CALD1: variants seen among roughly 807,000 people sequenced by gnomAD.
CALD1 encodes caldesmon 1, also known as caldesmon.
In CALD1, 33 loss-of-function variants were observed where a neutral mutation model predicts 99.9. The observed-to-expected ratio is 0.33, with a 90% confidence interval of 0.25 to 0.44. The LOEUF is 0.44. Among genes scored for constraint, CALD1 ranks in the 20% least tolerant of loss-of-function variants. CALD1 has a pLI of 1.00. For synonymous variants in CALD1, 310 were observed against 325.0 expected (o/e 0.95, Z 0.50); for missense variants, 861 against 962.1 (o/e 0.89, Z 1.39).
At position 134,867,733 on chromosome 7, in the gene CALD1, C is replaced by T. The variant is rs1563055105; in HGVS notation, c.-1C>T. On this transcript the variant is annotated 5_prime_UTR_variant, in exon 3 of 15. Coordinates refer to ENST00000361675, the MANE Select transcript of CALD1 (RefSeq NM_033138.4). ...GGTCTCCCTGAACCTGAAATCACAC[C>T]ATGGATGATTTTGAGCGTCGCAGAG... The T allele has an allele frequency of 1.2e-5, 20 of 1,600,682 alleles. No individual in the cohort carries two copies. Among genetic ancestry groups the T allele is most frequent in the Non-Finnish European group, 1.7e-5 (20 of 1,169,994 alleles).
In CALD1 at chr7:134,897,496, G is replaced by T. The variant is rs1021079720; in HGVS notation, c.71+29692G>T. Reference sequence around the variant, plus strand: ...ATACGATTCTATTTCATTTTAAAACGCTGGTCATCCACTAAATAGATTTCA... The same window carrying T: ...ATACGATTCTATTTCATTTTAAAACTCTGGTCATCCACTAAATAGATTTCA... On this transcript the variant is annotated intron_variant, in intron 3 of 14. Transcript: ENST00000361675. 5.3e-5 allele frequency among the ~76,000 whole-genome samples: 8 copies of T among 151,686 alleles called. No homozygotes were observed. In the South Asian group the frequency reaches 1.7e-3, roughly 32 times the overall value.
At chr7:134,932,856 T>G in intron 4 of CALD1, 132 bp from the exon 5 acceptor site, 1 of 567,724 alleles carries the variant, frequency 1.8e-6, no homozygotes, top group Non-Finnish European at 3.1e-6. Flanking sequence ...ACTAAAATGG[T>G]AACGTACTGG....
rs573192557 is a variant in CALD1, at chr7:134,858,897, T to G, written c.-41-8796T>G. 2.8e-4 allele frequency among the ~76,000 whole-genome samples: 42 copies of G among 152,278 alleles called. No homozygotes were observed. The South Asian group carries it at 8.1e-3, about 29-fold the overall frequency. Reference sequence around the variant, plus strand: ...GTTGGAAGATCTTATAGTAGAGCTGTCCAGTAGAACTTTCTGCAGTGATGA... The same window carrying G: ...GTTGGAAGATCTTATAGTAGAGCTGGCCAGTAGAACTTTCTGCAGTGATGA... On this transcript the variant is annotated intron_variant, in intron 2 of 14. Coordinates refer to ENST00000361675, the MANE Select transcript of CALD1 (RefSeq NM_033138.4).
At chr7:134,819,870 C>T (rs1798705162) in intron 1 of CALD1, among the ~76,000 whole-genome samples, 1 of 129,418 alleles carries the variant, frequency 7.7e-6, no homozygotes, top group African/African-American at 2.7e-5. Flanking sequence ...AGTGACAATC[C>T]CATCTCAAAA....
chr7:134,756,297 A>T (rs989105896), intron 1 of CALD1, among the ~76,000 whole-genome samples: 1 of 147,862 alleles, frequency 6.8e-6, no homozygotes, highest in Non-Finnish European at 1.5e-5. Context: ...AAAAACTAAA[A>T]ATTAAAAAAA....
upstream of CALD1, chr7:134,779,380 C>G: frequency 3.2e-6 from 1 of 312,452 alleles, no homozygotes; most frequent in Non-Finnish European, 5.8e-6. Context: ...AGCGTGCACG[C>G]AGTTTCAGAG....
At chr7:134,907,296 C>T (rs139238223) in intron 3 of CALD1, among the ~76,000 whole-genome samples, 141 of 152,050 alleles carry the variant, frequency 9.3e-4, no homozygotes, top group African/African-American at 3.2e-3. Context: ...TGGTTGGTAC[C>T]TTGTGAGAAG....
intron 4 of CALD1, among the ~76,000 whole-genome samples, chr7:134,929,633 T>TATATATACACATAC (rs1586339445): frequency 3.4e-5 from 2 of 57,980 alleles, no homozygotes; most frequent in African/African-American, 1.1e-4. Context: ...TGTGTGTGTG[T>TATATATACACATAC]GTGTGTGTGT....
chr7:134,719,751 G>T, the CALD1 span, among the ~76,000 whole-genome samples: 1 of 152,204 alleles, frequency 6.6e-6, no homozygotes, highest in East Asian at 1.9e-4. Flanking sequence ...CCCCAATCTG[G>T]TTTGGACAAG....
intron 3 of CALD1, among the ~76,000 whole-genome samples, chr7:134,879,885 A>G (rs1265957795): frequency 6.6e-6 from 1 of 152,222 alleles, no homozygotes; most frequent in Non-Finnish European, 1.5e-5. Context: ...CCTACATCAC[A>G]TACAGTTCCT....
the CALD1 span, among the ~76,000 whole-genome samples, chr7:134,719,295 G>A: frequency 6.6e-6 from 1 of 152,104 alleles, no homozygotes; most frequent in African/African-American, 2.4e-5. Context: ...AATAGAAAGA[G>A]GAGAGACAAA....
Position 134,934,075 on chromosome 7 carries a change from C to A in CALD1, c.1306C>A (p.Gln436Lys). 5.6e-6 allele frequency: 9 copies of A among 1,603,440 alleles called. No homozygotes were observed. The highest frequency in any genetic ancestry group is 6.8e-6 in the Non-Finnish European group (8 of 1,176,420). Residue 436 changes from glutamine to lysine, a missense_variant and splice_region_variant, in exon 5 of 15, where the codon CAG becomes AAG. By Grantham distance (53) the Gln-to-Lys change is moderately conservative (BLOSUM62 1). Coordinates refer to ENST00000361675, the MANE Select transcript of CALD1 (RefSeq NM_033138.4). ...ACTTCAGACAGCTGTCCTAAAGAAA[C>A]AGGTACAGTAAACATTTTGCACCAA... is the stretch of plus-strand genomic sequence containing the variant. ...DKLQTAVLKK[Q>K]GEEKGTKVQA...
chr7:134,841,660 G>T (rs1278633588), intron 1 of CALD1, among the ~76,000 whole-genome samples: 1 of 152,202 alleles, frequency 6.6e-6, no homozygotes, highest in African/African-American at 2.4e-5. Context: ...GTGATCATGT[G>T]CTTCTTTGGC....
rs1310389466 is a variant in CALD1, at chr7:134,969,955, C to G, written c.*1610C>G. 2.0e-5 allele frequency: 3 copies of G among 152,762 alleles called. No homozygotes were observed. Among genetic ancestry groups the G allele is most frequent in the African/African-American group, 7.2e-5 (3 of 41,580 alleles). The allele number at this position is 152,762 out of a possible 1,614,324, so 9.5% of individuals were successfully genotyped here. The stretch of plus-strand genomic sequence containing the variant: ...CACACTGAGGGAGCCTCCCAAATAA[C>G]TATTTTCTTATCTGCAGTATTCCTC... On this transcript the variant is annotated 3_prime_UTR_variant, in exon 15 of 15. Coordinates refer to ENST00000361675, the MANE Select transcript of CALD1 (RefSeq NM_033138.4).
chr7:134,735,565 CTGTGTGTGTGTG>C, the CALD1 span, among the ~76,000 whole-genome samples: 7 of 121,336 alleles, frequency 5.8e-5, no homozygotes, highest in Admixed American at 8.1e-5. Flanking sequence ...CCACTACCCT[CTGTGTGTGTGTG>C]TGTGTGTGTG....
Position 134,935,691 on chromosome 7 carries a change from G to A in CALD1, c.1312G>A (p.Glu438Lys), listed in dbSNP as rs1465179536. Residue 438 changes from glutamate (E) to lysine (K), a missense_variant, in exon 6 of 15, where the codon GAA becomes AAA. Coordinates refer to ENST00000361675, the MANE Select transcript of CALD1 (RefSeq NM_033138.4). ...LQTAVLKKQG[E>K]EKGTKVQAKR... ...TACCATTCTTGAAAATAAAAAGGGA[G>A]AAGAGAAGGGAACTAAAGTGCAAGC... 6.2e-7 allele frequency: 1 copy of A among 1,604,048 alleles called. No homozygotes were observed. Among genetic ancestry groups the A allele is most frequent in the Non-Finnish European group, 8.5e-7 (1 of 1,175,844 alleles).
intron 1 of CALD1, among the ~76,000 whole-genome samples, chr7:134,795,261 G>A (rs1797703477): frequency 6.6e-6 from 1 of 152,076 alleles, no homozygotes; most frequent in Non-Finnish European, 1.5e-5. Flanking sequence ...TCCAGTGGGA[G>A]GTAATTGAAT....
At chr7:134,966,961 G>C (rs1808723550) in intron 14 of CALD1, among the ~76,000 whole-genome samples, 1 of 151,960 alleles carries the variant, frequency 6.6e-6, no homozygotes, top group African/African-American at 2.4e-5. Flanking sequence ...ACAGCAGAAG[G>C]CTCTCCTCTC....
intron 1 of CALD1, among the ~76,000 whole-genome samples, chr7:134,771,761 G>A (rs978766102): frequency 3.9e-5 from 6 of 152,082 alleles, no homozygotes; most frequent in African/African-American, 9.7e-5. Flanking sequence ...CCCTGGGCTC[G>A]TTGCTATTTA....
Sources: gnomAD v4.1 joint callset for allele counts (sites outside exome capture counted in the v4.1 genomes callset) on GRCh38, gnomAD v4.1.1 for gene constraint, MANE v1.5 for transcripts, NCBI Gene and HGNC (gene_info 2026-07-23, HGNC 2026-07-21) for gene names.